Variants in KIRREL3 observed in about 807,000 individuals in gnomAD.
KIRREL3 encodes kin of IRRE-like protein 3.
KIRREL3 carries 36 observed loss-of-function variants against 89.7 expected under a neutral mutation model. That is an observed-to-expected ratio of 0.40 (90% CI 0.31 to 0.53). KIRREL3 has a LOEUF of 0.53. KIRREL3 is among the 20% of genes least tolerant of loss of function. The pLI, the probability that KIRREL3 is intolerant of heterozygous loss-of-function variation, is 0.49. For synonymous variants in KIRREL3, 445 were observed against 441.4 expected (o/e 1.01, Z -0.10); for missense variants, 864 against 1,056.6 (o/e 0.82, Z 2.53).
Position 126,463,451 on chromosome 11 carries a change from A to G in KIRREL3, c.592-144T>C. ...TCAGCTTAGGAGACCTGGGCTGCCC[A>G]TGTCTACGCAGAGCTCGGGGGTTAC... On this transcript the variant is annotated intron_variant, in intron 5 of 16. Coordinates refer to ENST00000525144, the MANE Select transcript of KIRREL3 (RefSeq NM_032531.4). This position sits in a 1 kb window ranked among gnomAD's most constrained non-coding sequence, Gnocchi z 5.9. 5.0e-6 allele frequency: 4 copies of G among 805,964 alleles called. No homozygotes were observed. Among genetic ancestry groups the G allele is most frequent in the Non-Finnish European group, 5.7e-6 (3 of 523,204 alleles). The allele number at this position is 805,964 out of a possible 1,614,324, so 49.9% of individuals were successfully genotyped here. A position where few individuals can be genotyped will look rare whatever the true frequency, so the allele number is the denominator to read the frequency against.
In KIRREL3 at chr11:126,876,324, G is replaced by T. The variant is rs529977230; in HGVS notation, c.55+124131C>A. Among the ~76,000 whole-genome samples, 1 of 152,150 alleles carries T rather than the reference G, an allele frequency of 6.6e-6. No homozygotes were observed. Among genetic ancestry groups the T allele is most frequent in the African/African-American group, 2.4e-5 (1 of 41,438 alleles). ...CTAGACTCAGTTTCTCAGCCTGAAG[G>T]CACGGACTACAGAAAGGGAAAATGT... On this transcript the variant is annotated intron_variant, in intron 1 of 16. Coordinates refer to ENST00000525144, the MANE Select transcript of KIRREL3 (RefSeq NM_032531.4). The surrounding 1 kb of genome is among the most constrained non-coding windows in gnomAD (Gnocchi z 4.1).
chr11:126,559,673 C>G (rs1304916515), intron 2 of KIRREL3, among the ~76,000 whole-genome samples: 1 of 151,564 alleles, frequency 6.6e-6, no homozygotes, highest in Non-Finnish European at 1.5e-5. Flanking sequence ...GTGTCTTACT[C>G]TACTTTTTTT....
chr11:126,426,298 T>C (rs74597339), intron 15 of KIRREL3, among the ~76,000 whole-genome samples: 7,090 of 152,256 alleles, frequency 0.047, 519 homozygotes, highest in African/African-American at 0.16. Context: ...ACACCTGTTA[T>C]TCTCATGAAA....
In KIRREL3 at chr11:127,000,522, C is replaced by T. The variant is rs3802824; in HGVS notation, c.-13G>A. 0.047 allele frequency: 74,807 copies of T among 1,600,170 alleles called. 5,187 individuals carry two copies. The highest frequency in any genetic ancestry group is 0.37 in the East Asian group (16,260 of 43,858). On this transcript the variant is annotated 5_prime_UTR_variant, in exon 1 of 17. Coordinates refer to ENST00000525144, the MANE Select transcript of KIRREL3 (RefSeq NM_032531.4). This position sits in a 1 kb window ranked among gnomAD's most constrained non-coding sequence, Gnocchi z 7.1. ...GGAAGGGTTTCATTCCTTAGCGCAG[C>T]GAAGGAAAGCCGGCGGGGTAACTTG...
chr11:126,504,030 C>T (rs1242836743), intron 4 of KIRREL3, among the ~76,000 whole-genome samples: 2 of 152,204 alleles, frequency 1.3e-5, no homozygotes, highest in Non-Finnish European at 2.9e-5. Context: ...AAATTTTAAA[C>T]TTTAAACTTT....
intron 1 of KIRREL3, among the ~76,000 whole-genome samples, chr11:126,856,272 C>A (rs1159254215): frequency 6.6e-6 from 1 of 152,022 alleles, no homozygotes; most frequent in Admixed American, 6.6e-5. Context: ...TCAAAGATAA[C>A]AATCTGTCTA....
At chr11:126,499,313 G>A (rs965053413) in intron 4 of KIRREL3, among the ~76,000 whole-genome samples, 2 of 152,040 alleles carry the variant, frequency 1.3e-5, no homozygotes, top group South Asian at 4.1e-4. Flanking sequence ...CCTGCCTCGG[G>A]ACTTCCCCTT....
At chr11:126,461,850 C>T (rs946191330) in intron 6 of KIRREL3, among the ~76,000 whole-genome samples, 3 of 152,178 alleles carry the variant, frequency 2.0e-5, no homozygotes, top group African/African-American at 7.2e-5. Flanking sequence ...AATGCACTTG[C>T]TTTAAAATGA....
intron 1 of KIRREL3, among the ~76,000 whole-genome samples, chr11:126,673,179 C>T (rs974225725): frequency 5.9e-5 from 9 of 152,196 alleles, no homozygotes; most frequent in Middle Eastern, 3.2e-3. Context: ...CCTGCAAAGA[C>T]GCAGGAATGC....
chr11:126,775,003 T>C (rs376427588), intron 1 of KIRREL3, among the ~76,000 whole-genome samples: 1 of 152,144 alleles, frequency 6.6e-6, no homozygotes, highest in Admixed American at 6.5e-5. Flanking sequence ...CTAGATGCAG[T>C]CTGTCTTAAG....
At chr11:126,599,573 T>A (rs993242922) in intron 1 of KIRREL3, among the ~76,000 whole-genome samples, 8 of 152,174 alleles carry the variant, frequency 5.3e-5, no homozygotes, top group Non-Finnish European at 1.5e-5. Flanking sequence ...GGCCCATTTG[T>A]CTTTTCCATC....
Position 126,628,412 on chromosome 11 carries a change from C to A in KIRREL3, c.56-65500G>T, listed in dbSNP as rs2134871404. Among the ~76,000 whole-genome samples, 1 of 152,164 alleles carries A rather than the reference C, an allele frequency of 6.6e-6. No homozygotes were observed. Among genetic ancestry groups the A allele is most frequent in the East Asian group, 1.9e-4 (1 of 5,184 alleles). On this transcript the variant is annotated intron_variant, in intron 1 of 16. Transcript: ENST00000525144. The surrounding 1 kb of genome is among the most constrained non-coding windows in gnomAD (Gnocchi z 5.2). ...ACTGAGGAGACATACCTTAGCCCACCCCCACTGGATTTTGAGCACATGCCT... is the reference window on the plus strand; with the variant it reads ...ACTGAGGAGACATACCTTAGCCCACACCCACTGGATTTTGAGCACATGCCT...
chr11:126,918,169 G>A lies in KIRREL3; in HGVS notation c.55+82286C>T, dbSNP rs1947115463. On this transcript the variant is annotated intron_variant, in intron 1 of 16. Coordinates refer to ENST00000525144, the MANE Select transcript of KIRREL3 (RefSeq NM_032531.4). The surrounding 1 kb of genome is among the most constrained non-coding windows in gnomAD (Gnocchi z 6.5). ...CGACTTGAGGGAGATGGATGTTACT[G>A]AGGCAAAAGAAATGTTCATTGCCTA... Among the ~76,000 whole-genome samples, 1 of 152,174 alleles carries A rather than the reference G, an allele frequency of 6.6e-6. No homozygotes were observed. The highest frequency in any genetic ancestry group is 2.4e-5 in the African/African-American group (1 of 41,442).
intron 10 of KIRREL3, 161 bp from the exon 11 acceptor site, chr11:126,440,710 ATAAAT>A (rs1955531185): frequency 4.4e-6 from 3 of 686,496 alleles, no homozygotes; most frequent in Non-Finnish European, 5.2e-6. Context: ...GGACTCAGAG[ATAAAT>A]TAGGCATTCA....
chr11:126,902,590 C>T (rs1467680879), intron 1 of KIRREL3, among the ~76,000 whole-genome samples: 1 of 152,196 alleles, frequency 6.6e-6, no homozygotes, highest in African/African-American at 2.4e-5. Flanking sequence ...TGCTATGTGT[C>T]AGGCAAGGCG....
chr11:126,467,066 T>A (rs1324982413), intron 5 of KIRREL3, among the ~76,000 whole-genome samples: 3 of 152,228 alleles, frequency 2.0e-5, no homozygotes, highest in Non-Finnish European at 4.4e-5. Context: ...AGATGGCGTG[T>A]GTGCAGCATG....
At chr11:126,589,943 C>T (rs1032355064) in intron 1 of KIRREL3, among the ~76,000 whole-genome samples, 1 of 152,212 alleles carries the variant, frequency 6.6e-6, no homozygotes, top group African/African-American at 2.4e-5. Flanking sequence ...CTACTGTGCC[C>T]CATCCTTAGG....
Position 126,689,043 on chromosome 11 carries a change from AG to A in KIRREL3, c.56-126132del, listed in dbSNP as rs1411706150. On this transcript the variant is annotated intron_variant, in intron 1 of 16. Coordinates refer to ENST00000525144, the MANE Select transcript of KIRREL3 (RefSeq NM_032531.4). The surrounding 1 kb of genome is among the most constrained non-coding windows in gnomAD (Gnocchi z 5.2). ...TGTGTGTGTGTGTAAGGGGGAGAGA[AG>A]AGAGAGAGAGAGAGAGAGAGAGAGA... Among the ~76,000 whole-genome samples, 469 of 50,514 alleles carry A rather than the reference AG, an allele frequency of 9.3e-3. 5 individuals are homozygous for A. The highest frequency in any genetic ancestry group is 0.055 in the African/African-American group (446 of 8,178). The allele number at this position is 50,514 out of a possible 152,430, so 33.1% of individuals were successfully genotyped here.
In KIRREL3 at chr11:126,969,517, G is replaced by T. The variant is rs1949372343; in HGVS notation, c.55+30938C>A. Among the ~76,000 whole-genome samples, 1 of 152,178 alleles carries T rather than the reference G, an allele frequency of 6.6e-6. No homozygotes were observed. Among genetic ancestry groups the T allele is most frequent in the Non-Finnish European group, 1.5e-5 (1 of 68,038 alleles). Reference sequence around the variant, plus strand: ...GAGGGAGTAAGAACGTCTCCTGAGGGCGGAGGCTGTGGGTAGCAATGGAGC... The same window carrying T: ...GAGGGAGTAAGAACGTCTCCTGAGGTCGGAGGCTGTGGGTAGCAATGGAGC... On this transcript the variant is annotated intron_variant, in intron 1 of 16. Transcript: ENST00000525144. This position sits in a 1 kb window ranked among gnomAD's most constrained non-coding sequence, Gnocchi z 4.9.
Sources: allele counts gnomAD v4.1 joint callset (sites outside exome capture counted in the v4.1 genomes callset), GRCh38; gene constraint gnomAD v4.1.1; non-coding constraint Gnocchi (gnomAD v3.1); transcripts MANE v1.5; gene names NCBI Gene and HGNC (gene_info 2026-07-23, HGNC 2026-07-21).